DSCAML1: variants seen among roughly 807,000 people sequenced by gnomAD.
The protein encoded by DSCAML1 is DS cell adhesion molecule like 1.
In DSCAML1, 38 loss-of-function variants were observed where a neutral mutation model predicts 200.5. That is an observed-to-expected ratio of 0.19 (90% CI 0.15 to 0.25). The LOEUF is 0.25. Ranked by LOEUF, DSCAML1 falls within the 10% of genes least tolerant of loss-of-function variation. The probability of loss-of-function intolerance (pLI) is 1.00; values close to 1 mark genes in which losing one functional copy is unlikely to be tolerated. For synonymous variants in DSCAML1, 1,215 were observed against 1,165.0 expected (o/e 1.04, Z -0.87); for missense variants, 2,223 against 2,858.8 (o/e 0.78, Z 5.07).
At chr11:117,581,455 C>A (rs528621936) in intron 3 of DSCAML1, among the ~76,000 whole-genome samples, 2 of 152,112 alleles carry the variant, frequency 1.3e-5, no homozygotes, top group Non-Finnish European at 2.9e-5. Flanking sequence ...TGTTGTCGGC[C>A]CCTCTCCCCA....
At chr11:117,603,505 C>T (rs1232225826) in intron 3 of DSCAML1, among the ~76,000 whole-genome samples, 1 of 152,182 alleles carries the variant, frequency 6.6e-6, no homozygotes, top group Non-Finnish European at 1.5e-5. Context: ...CTACCTATGC[C>T]AAAGTTTGCT....
intron 3 of DSCAML1, among the ~76,000 whole-genome samples, chr11:117,643,602 A>C (rs1348459014): frequency 6.6e-6 from 1 of 152,106 alleles, no homozygotes; most frequent in Non-Finnish European, 1.5e-5. Context: ...ATCCTACCCA[A>C]TTTAAGGCTG....
chr11:117,698,077 C>T (rs184206299), intron 3 of DSCAML1, among the ~76,000 whole-genome samples: 41 of 152,232 alleles, frequency 2.7e-4, no homozygotes, highest in Non-Finnish European at 1.0e-4. Context: ...GCCAGAATTT[C>T]CTTCTTTTTA....
upstream of DSCAML1, among the ~76,000 whole-genome samples, chr11:117,799,964 T>A (rs148255646): frequency 3.3e-5 from 5 of 152,212 alleles, no homozygotes; most frequent in African/African-American, 1.2e-4. Context: ...TTCCATGCTG[T>A]GACAAAGCCA....
chr11:117,592,176 G>A (rs776995217), intron 3 of DSCAML1, among the ~76,000 whole-genome samples: 6 of 152,114 alleles, frequency 3.9e-5, no homozygotes, highest in Non-Finnish European at 7.4e-5. Context: ...TGGATTCTCC[G>A]CAGCTCTGGG....
chr11:117,604,716 C>T (rs1028730722), intron 3 of DSCAML1, among the ~76,000 whole-genome samples: 1 of 152,242 alleles, frequency 6.6e-6, no homozygotes, highest in Non-Finnish European at 1.5e-5. Context: ...TCTGTGAGGG[C>T]TCCAGTGGCA....
chr11:117,723,738 C>A (rs2054076924), intron 3 of DSCAML1, among the ~76,000 whole-genome samples: 1 of 152,228 alleles, frequency 6.6e-6, no homozygotes, highest in Admixed American at 6.5e-5. Context: ...CCACTTAGAG[C>A]CCTCTCTCCA....
intron 3 of DSCAML1, among the ~76,000 whole-genome samples, chr11:117,541,002 C>G (rs59099254): frequency 6.6e-6 from 1 of 152,062 alleles, no homozygotes; most frequent in Non-Finnish European, 1.5e-5. Flanking sequence ...CCTTAAGAAC[C>G]TTTCTCCCCC....
intron 3 of DSCAML1, among the ~76,000 whole-genome samples, chr11:117,699,819 T>C (rs1565881785): frequency 6.6e-6 from 1 of 152,212 alleles, no homozygotes; most frequent in East Asian, 1.9e-4. Context: ...GGACCCAAAC[T>C]GACACAGAAG....
chr11:117,790,131 C>T (rs117511509), intron 1 of DSCAML1, among the ~76,000 whole-genome samples: 80 of 152,312 alleles, frequency 5.3e-4, no homozygotes, highest in Admixed American at 1.4e-3. Context: ...AGTCTCGACT[C>T]GGCAGAGTTT....
At chr11:117,814,205 C>T (rs2055783873) in intron 1 of DSCAML1, among the ~76,000 whole-genome samples, 4 of 152,096 alleles carry the variant, frequency 2.6e-5, no homozygotes, top group Admixed American at 2.6e-4. Context: ...TATAAAACGG[C>T]CCCACCCCTA....
At chr11:117,687,256 T>C (rs949610101) in intron 3 of DSCAML1, among the ~76,000 whole-genome samples, 2 of 152,126 alleles carry the variant, frequency 1.3e-5, no homozygotes, top group Non-Finnish European at 1.5e-5. Flanking sequence ...TCTGCGTTTA[T>C]TTTTTATTTT....
intron 3 of DSCAML1, among the ~76,000 whole-genome samples, chr11:117,533,858 A>C (rs1202215826): frequency 6.6e-6 from 1 of 152,214 alleles, no homozygotes; most frequent in Non-Finnish European, 1.5e-5. Flanking sequence ...GTGTCCTCCC[A>C]CTGAGGCCAG....
At chr11:117,718,599 G>A (rs1347206253) in intron 3 of DSCAML1, among the ~76,000 whole-genome samples, 1 of 149,024 alleles carries the variant, frequency 6.7e-6, no homozygotes, top group African/African-American at 2.5e-5. Flanking sequence ...GATTCAGGAA[G>A]GTGTATGACC....
At chr11:117,754,561 G>A (rs1284457298) in intron 3 of DSCAML1, among the ~76,000 whole-genome samples, 1 of 152,124 alleles carries the variant, frequency 6.6e-6, no homozygotes, top group Non-Finnish European at 1.5e-5. Flanking sequence ...AAGGACCACA[G>A]GCCATGAGGG....
intron 19 of DSCAML1, among the ~76,000 whole-genome samples, chr11:117,453,240 GT>G (rs1311209894): frequency 6.6e-6 from 1 of 152,172 alleles, no homozygotes; most frequent in Non-Finnish European, 1.5e-5. Flanking sequence ...CAACCCCATT[GT>G]CGTTTATTTT....
Position 117,480,275 on chromosome 11 carries a change from C to T in DSCAML1, c.2785+168G>A, listed in dbSNP as rs1307274985. Among the ~76,000 whole-genome samples, 1 of 152,206 alleles carries T rather than the reference C, an allele frequency of 6.6e-6. No homozygotes were observed. Among genetic ancestry groups the T allele is most frequent in the African/African-American group, 2.4e-5 (1 of 41,458 alleles). On this transcript the variant is annotated intron_variant, in intron 14 of 32. Transcript: ENST00000651296. The surrounding 1 kb of genome is among the most constrained non-coding windows in gnomAD (Gnocchi z 4.1). Reference sequence around the variant, plus strand: ...CCGGACTCCTAGCCCGGCCAGTGTCCCTCCCTTCAGAAGCCACAGCTGCTT... The same window carrying T: ...CCGGACTCCTAGCCCGGCCAGTGTCTCTCCCTTCAGAAGCCACAGCTGCTT...
At chr11:117,755,162 C>T (rs1459650174) in intron 3 of DSCAML1, among the ~76,000 whole-genome samples, 5 of 152,090 alleles carry the variant, frequency 3.3e-5, no homozygotes, top group Admixed American at 6.5e-5. Flanking sequence ...CACTGGGTAG[C>T]GCTTGGGTTT....
chr11:117,454,185 T>C (rs1290581499), intron 19 of DSCAML1, among the ~76,000 whole-genome samples: 1 of 152,194 alleles, frequency 6.6e-6, no homozygotes, highest in Non-Finnish European at 1.5e-5. Flanking sequence ...TGGAATGTGG[T>C]CTGTGGATCA....
Sources: allele counts gnomAD v4.1 joint callset (sites outside exome capture counted in the v4.1 genomes callset), GRCh38; gene constraint gnomAD v4.1.1; non-coding constraint Gnocchi (gnomAD v3.1); transcripts MANE v1.5; gene names NCBI Gene and HGNC (gene_info 2026-07-23, HGNC 2026-07-21).